The following RARB variants were observed in gnomAD, a reference collection of about 807,000 sequenced individuals.
RARB encodes the protein HBV-activated protein.
RARB carries 17 observed loss-of-function variants against 51.9 expected under a neutral mutation model. That is an observed-to-expected ratio of 0.33 (90% CI 0.22 to 0.49). RARB has a LOEUF of 0.49. Among genes scored for constraint, RARB ranks in the 20% least tolerant of loss-of-function variants. RARB has a pLI of 0.99. For missense variants in RARB, 369 were observed against 550.8 expected, an observed-to-expected ratio of 0.67 and a Z score of 3.30; for synonymous variants, 215 against 195.4, an observed-to-expected ratio of 1.10 and a Z score of -0.84.
chr3:25,291,875 G>T (rs1251374383), intron 5 of RARB, among the ~76,000 whole-genome samples: 1 of 151,962 alleles, frequency 6.6e-6, no homozygotes. Context: ...AAGCACAGAG[G>T]CACAAAAGAA....
intron 5 of RARB, among the ~76,000 whole-genome samples, chr3:25,377,949 C>A (rs761496011): frequency 6.6e-5 from 10 of 152,082 alleles, no homozygotes; most frequent in Non-Finnish European, 1.3e-4. Flanking sequence ...CTACCTTTTT[C>A]TAGTCAAAAT....
At chr3:24,997,743 G>A (rs758188875) in intron 2 of RARB, among the ~76,000 whole-genome samples, 6 of 151,918 alleles carry the variant, frequency 3.9e-5, no homozygotes, top group Non-Finnish European at 7.4e-5. Flanking sequence ...AGCCATTTGT[G>A]GGAACTTACT....
At chr3:25,194,710 C>T (rs1701189536) in intron 5 of RARB, among the ~76,000 whole-genome samples, 1 of 151,026 alleles carries the variant, frequency 6.6e-6, no homozygotes, top group South Asian at 2.1e-4. Context: ...GTTTATTGAC[C>T]AGAAGAATGT....
At chr3:24,994,501 G>A (rs928581232) in intron 2 of RARB, among the ~76,000 whole-genome samples, 2 of 151,534 alleles carry the variant, frequency 1.3e-5, no homozygotes, top group Non-Finnish European at 3.0e-5. Flanking sequence ...TTTTTGGATC[G>A]ATGTAATTAT....
intron 1 of RARB, among the ~76,000 whole-genome samples, chr3:25,433,288 C>A (rs1708281289): frequency 1.1e-3 from 1 of 946 alleles, no homozygotes; most frequent in Non-Finnish European, 2.0e-3. Flanking sequence ...ATTACAACAT[C>A]TCCTAGGAGT....
intron 1 of RARB, among the ~76,000 whole-genome samples, chr3:24,845,664 C>A (rs1414762338): frequency 6.6e-6 from 1 of 152,036 alleles, no homozygotes; most frequent in East Asian, 1.9e-4. Flanking sequence ...TGGGAACAGC[C>A]CTGTTTCTTT....
At chr3:25,255,349 A>C (rs1702836822) in intron 5 of RARB, among the ~76,000 whole-genome samples, 1 of 152,164 alleles carries the variant, frequency 6.6e-6, no homozygotes, top group African/African-American at 2.4e-5. Context: ...TGATGAAAAC[A>C]ATTTCCCTCA....
chr3:25,587,691 C>T (rs141483200), intron 5 of RARB, among the ~76,000 whole-genome samples: 8 of 152,314 alleles, frequency 5.3e-5, no homozygotes, highest in South Asian at 2.1e-4. Context: ...TCACAACAGG[C>T]ACTATATGCG....
At chr3:25,159,414 C>CCCG (rs1553638592) in intron 4 of RARB, among the ~76,000 whole-genome samples, 1 of 117,278 alleles carries the variant, frequency 8.5e-6, no homozygotes, top group Non-Finnish European at 1.9e-5. Flanking sequence ...GATGATCCAC[C>CCCG]CCCCCCGCTC....
chr3:25,136,533 G>C (rs1700033784), intron 4 of RARB, among the ~76,000 whole-genome samples: 1 of 152,032 alleles, frequency 6.6e-6, no homozygotes, highest in Non-Finnish European at 1.5e-5. Context: ...GGTAGGAGTT[G>C]TAGATGACTA....
intron 5 of RARB, chr3:25,324,161 T>A (rs927851878): frequency 6.6e-6 from 1 of 152,574 alleles, no homozygotes; most frequent in Non-Finnish European, 1.5e-5. Flanking sequence ...TTTTGACTTC[T>A]GGAAATGTAG....
chr3:24,979,609 T>G (rs1051134396), intron 2 of RARB, among the ~76,000 whole-genome samples: 4 of 152,122 alleles, frequency 2.6e-5, no homozygotes, highest in Admixed American at 2.6e-4. Context: ...TGTTTTTTTT[T>G]GCTTTCCATT....
intron 1 of RARB, among the ~76,000 whole-genome samples, chr3:24,835,109 G>C (rs1381200216): frequency 6.6e-6 from 1 of 151,984 alleles, no homozygotes; most frequent in Non-Finnish European, 1.5e-5. Flanking sequence ...GTTTTGCCCT[G>C]GCTGTTTCCA....
chr3:24,979,753 G>C (rs1024730846), intron 2 of RARB, among the ~76,000 whole-genome samples: 2 of 151,932 alleles, frequency 1.3e-5, no homozygotes, highest in Admixed American at 1.3e-4. Flanking sequence ...TCTTTTAATT[G>C]GGACATTTAA....
intron 5 of RARB, among the ~76,000 whole-genome samples, chr3:25,422,809 A>G (rs1188604478): frequency 6.6e-6 from 1 of 152,150 alleles, no homozygotes; most frequent in Non-Finnish European, 1.5e-5. Context: ...TGTTAACAAA[A>G]CCCAAATGTA....
At chr3:24,882,380 C>T (rs1228241510) in intron 2 of RARB, among the ~76,000 whole-genome samples, 1 of 152,104 alleles carries the variant, frequency 6.6e-6, no homozygotes, top group Admixed American at 6.5e-5. Context: ...ATAACTCTAG[C>T]ATTTATATTG....
chr3:25,573,897 C>T (rs541454133), intron 4 of RARB, among the ~76,000 whole-genome samples: 1 of 152,082 alleles, frequency 6.6e-6, no homozygotes, highest in Non-Finnish European at 1.5e-5. Flanking sequence ...GTTGGGTCCC[C>T]GGAGACCGCA....
At chr3:25,290,006 G>A (rs139306269) in intron 5 of RARB, among the ~76,000 whole-genome samples, 36 of 152,266 alleles carry the variant, frequency 2.4e-4, no homozygotes, top group African/African-American at 8.7e-4. Flanking sequence ...GGTACTGGTA[G>A]GGCCTGTGGA....
intron 3 of RARB, among the ~76,000 whole-genome samples, chr3:25,075,125 C>A (rs1198203719): frequency 6.6e-6 from 1 of 152,172 alleles, no homozygotes; most frequent in Non-Finnish European, 1.5e-5. Context: ...ATATGTAACA[C>A]AGTCTAAGAT....
Sources: allele counts gnomAD v4.1 joint callset (sites outside exome capture counted in the v4.1 genomes callset), GRCh38; gene constraint gnomAD v4.1.1; transcripts MANE v1.5; gene names NCBI Gene and HGNC (gene_info 2026-07-23, HGNC 2026-07-21).